The following ZRSR2 variants were observed in gnomAD, a reference collection of about 807,000 sequenced individuals.
ZRSR2 encodes zinc finger CCCH-type, RNA binding motif and serine/arginine rich 2.
ZRSR2 carries 3 observed loss-of-function variants against 39.4 expected under a neutral mutation model. The ratio of observed to expected loss-of-function variants is 0.08; its 90% CI spans 0.03 to 0.20. ZRSR2 has a LOEUF of 0.20. Ranked by LOEUF, ZRSR2 falls within the 10% of genes least tolerant of loss-of-function variation. The pLI, the probability that ZRSR2 is intolerant of heterozygous loss-of-function variation, is 1.00. For synonymous variants in ZRSR2, 137 were observed against 136.0 expected (o/e 1.01, Z -0.05); for missense variants, 256 against 391.5 (o/e 0.65, Z 2.92).
chrX:15,820,057 G>A, intron 9 of ZRSR2, 150 bp from the exon 10 acceptor site: 1 of 503,995 alleles, frequency 2.0e-6, no homozygotes, highest in Non-Finnish European at 3.3e-6. Context: ...AGCTTTGGGA[G>A]CTTGACCATT....
Position 15,823,106 on chromosome X carries a change from G to A in ZRSR2, c.1313G>A (p.Gly438Asp). The change falls in exon 11 of 11, where the codon GGC becomes GAC. Residue 438 changes from glycine (G) to aspartate (D), a missense_variant. By Grantham distance (94) the Gly-to-Asp change is moderately conservative. This residue lies in a region of ZRSR2 where 111 missense variants were observed against 116.7 expected (regional missense o/e 0.95). Coordinates refer to ENST00000307771, the MANE Select transcript of ZRSR2 (RefSeq NM_005089.4). ...AGCAGGGACCGCAGCCGGGGCCGGG[G>A]CAGCCGGAGCCGGAGCCGGAGCCGG... Reference protein sequence around the residue: ...DRSRDRSRGRGSRSRSRSRSR... With the variant: ...DRSRDRSRGRDSRSRSRSRSR... 1 of 1,205,819 alleles carries A rather than the reference G, an allele frequency of 8.3e-7. No homozygotes were observed. Among genetic ancestry groups the A allele is most frequent in the Non-Finnish European group, 1.1e-6 (1 of 892,414 alleles).
chrX:15,820,392 A>C lies in ZRSR2; in HGVS notation c.937+76A>C. 4.2e-6 allele frequency: 4 copies of C among 952,811 alleles called. No individual in the cohort carries two copies. In the Admixed American group the frequency reaches 9.2e-5, roughly 22 times the overall value. 78.5% of individuals were successfully genotyped at this position (952,811 alleles called of 1,213,427 possible). On this transcript the variant is annotated intron_variant, in intron 10 of 10. Transcript: ENST00000307771. ...AAGGGATATTCTTTGGGGGAAACCC[A>C]GTATTTTCAAGTGGTGAGGCATAGC...
intron 4 of ZRSR2, 118 bp from the exon 5 acceptor site, chrX:15,803,993 A>C (rs918790099): frequency 6.9e-6 from 7 of 1,012,304 alleles, no homozygotes; most frequent in African/African-American, 3.9e-5. Flanking sequence ...AAAAAAAAAA[A>C]CAAAAAACTG....
At chrX:15,796,904 C>T (rs1046472383) in intron 2 of ZRSR2, among the ~76,000 whole-genome samples, 2 of 101,259 alleles carry the variant, frequency 2.0e-5, no homozygotes, top group African/African-American at 3.7e-5. Flanking sequence ...AGCAATTCTC[C>T]TGCCTCAGCT....
chrX:15,808,475 G>C (rs1184676211), intron 6 of ZRSR2, among the ~76,000 whole-genome samples: 1 of 111,268 alleles, frequency 9.0e-6, no homozygotes, highest in African/African-American at 3.3e-5. Flanking sequence ...CCTGTGGACT[G>C]GACCTGTTTA....
intron 7 of ZRSR2, among the ~76,000 whole-genome samples, chrX:15,812,009 A>C (rs936076820): frequency 1.8e-5 from 2 of 111,235 alleles, no homozygotes; most frequent in East Asian, 5.7e-4. Flanking sequence ...CGCTCACTGC[A>C]AACTCCGCCT....
intron 8 of ZRSR2, among the ~76,000 whole-genome samples, chrX:15,817,705 A>T (rs1471160107): frequency 9.0e-6 from 1 of 111,116 alleles, no homozygotes; most frequent in Non-Finnish European, 1.9e-5. Flanking sequence ...AAATTGGCAC[A>T]CTCCTGGCTA....
intron 2 of ZRSR2, among the ~76,000 whole-genome samples, chrX:15,798,183 C>A (rs1382619139): frequency 8.9e-6 from 1 of 112,305 alleles, no homozygotes; most frequent in African/African-American, 3.2e-5. Flanking sequence ...TAGAACTGTA[C>A]TCAACACATG....
At chrX:15,796,239 G>A (rs1932454541) in intron 2 of ZRSR2, among the ~76,000 whole-genome samples, 1 of 111,891 alleles carries the variant, frequency 8.9e-6, no homozygotes, top group South Asian at 3.7e-4. Context: ...AGCATCGCTA[G>A]TCGCACTTTG....
At chrX:15,793,748 G>C (rs1444030811) in intron 2 of ZRSR2, among the ~76,000 whole-genome samples, 4 of 112,241 alleles carry the variant, frequency 3.6e-5, no homozygotes, top group African/African-American at 1.3e-4. Flanking sequence ...ATGTTGGCCA[G>C]GCTGGTCTCA....
intron 2 of ZRSR2, among the ~76,000 whole-genome samples, chrX:15,791,863 T>G (rs918010016): frequency 9.0e-6 from 1 of 110,510 alleles, no homozygotes; most frequent in Admixed American, 9.5e-5. Flanking sequence ...AACCCCATCA[T>G]GTTGGCCAGG....
chrX:15,799,185 CAA>C lies in ZRSR2; in HGVS notation c.122-671_122-670del, dbSNP rs558406905. On this transcript the variant is annotated intron_variant, in intron 2 of 10. Transcript: ENST00000307771. The stretch of plus-strand genomic sequence containing the variant: ...TGGCGACAGAGCAAGACTCCCGTCT[CAA>C]AAAAAAAAAAAAAAAGTGTCCAGAT... 2.9e-3 allele frequency among the ~76,000 whole-genome samples: 219 copies of C among 74,300 alleles called. 1 individual carries two copies. The highest frequency in any genetic ancestry group is 0.015 in the Middle Eastern group (2 of 136). The allele number at this position is 74,300 out of a possible 115,157, so 64.5% of individuals were successfully genotyped here.
chrX:15,801,883 G>A (rs1433786114), intron 3 of ZRSR2: 1 of 112,297 alleles, frequency 8.9e-6, no homozygotes, highest in East Asian at 2.8e-4. Flanking sequence ...TAAAAATACT[G>A]TATGACTTTA....
chrX:15,793,051 C>T (rs1254301095), intron 2 of ZRSR2, among the ~76,000 whole-genome samples: 1 of 112,030 alleles, frequency 8.9e-6, no homozygotes, highest in Non-Finnish European at 1.9e-5. Flanking sequence ...GTTGAAAACT[C>T]ATCCACTAGA....
intron 3 of ZRSR2, among the ~76,000 whole-genome samples, chrX:15,802,617 G>A (rs1315236159): frequency 1.8e-5 from 2 of 109,846 alleles, no homozygotes; most frequent in Middle Eastern, 4.7e-3. Context: ...CTGCCACCAC[G>A]CCTGGCTAAT....
chrX:15,817,085 G>A lies in ZRSR2; in HGVS notation c.771+1195G>A, dbSNP rs149691404. Among the ~76,000 whole-genome samples the A allele has an allele frequency of 6.0e-4, 67 of 111,675 alleles. No homozygotes were observed. The South Asian group carries it at 7.8e-3, about 13-fold the overall frequency. On this transcript the variant is annotated intron_variant, in intron 8 of 10. Transcript: ENST00000307771. ...CCTGAAAGTGAGGGGACTGGATTAC[G>A]TCAGTGGTTTTCCTCGTAGGGTTTC...
intron 2 of ZRSR2, among the ~76,000 whole-genome samples, chrX:15,797,092 G>A (rs1178434592): frequency 9.2e-6 from 1 of 108,261 alleles, no homozygotes; most frequent in Non-Finnish European, 1.9e-5. Context: ...CCGCTCCCTG[G>A]CCTGTTTCAA....
chrX:15,803,809 T>C lies in ZRSR2; in HGVS notation c.312+13T>C. ...AGAAGAACAAGAGGTATGGTAGGAATCACGTAACTAGTGAACAAACTGATT... is the reference window on the plus strand; with the variant it reads ...AGAAGAACAAGAGGTATGGTAGGAACCACGTAACTAGTGAACAAACTGATT... On this transcript the variant is annotated intron_variant, in intron 4 of 10. Coordinates refer to ENST00000307771, the MANE Select transcript of ZRSR2 (RefSeq NM_005089.4). 1 of 1,179,803 alleles carries C rather than the reference T, an allele frequency of 8.5e-7. No individual in the cohort carries two copies. Among genetic ancestry groups the C allele is most frequent in the South Asian group, 1.9e-5 (1 of 53,431 alleles).
At position 15,804,191 on chromosome X, in the gene ZRSR2, A is replaced by G; in HGVS notation, c.393A>G (p.Glu131=). 2.5e-6 allele frequency: 3 copies of G among 1,194,352 alleles called. No homozygotes were observed. The highest frequency in any genetic ancestry group is 3.4e-6 in the Non-Finnish European group (3 of 889,267). Reference sequence around the variant, plus strand: ...AGCAGAAACGACAGGAGAAGAAAGAAAAAGAGGTGATTCCTGTCATGGGAT... The same window carrying G: ...AGCAGAAACGACAGGAGAAGAAAGAGAAAGAGGTGATTCCTGTCATGGGAT... ...EEEQKRQEKK[E]KEEALQKMLD... The change falls in exon 5 of 11, where the codon GAA becomes GAG. Residue 131 remains glutamate, a synonymous_variant. Transcript: ENST00000307771.
Sources: gnomAD v4.1 joint callset for allele counts (sites outside exome capture counted in the v4.1 genomes callset) on GRCh38, gnomAD v4.1.1 for gene constraint, gnomAD v4.1.1 regional missense constraint, MANE v1.5 for transcripts, NCBI Gene and HGNC (gene_info 2026-07-23, HGNC 2026-07-21) for gene names.